The following ALDH7A1 variants were observed in gnomAD, a reference collection of about 807,000 sequenced individuals.
The protein encoded by ALDH7A1 is alpha-aminoadipic semialdehyde dehydrogenase.
Under a neutral mutation model 79.9 loss-of-function variants are expected in ALDH7A1, and 63 were observed. That is an observed-to-expected ratio of 0.79 (90% CI 0.64 to 0.97). The LOEUF (loss-of-function observed/expected upper bound fraction) is 0.97. ALDH7A1 is among the 50% of genes least tolerant of loss of function. The probability of loss-of-function intolerance (pLI) is 0.00; values close to 1 mark genes in which losing one functional copy is unlikely to be tolerated. For missense variants in ALDH7A1, 627 were observed against 665.2 expected, an observed-to-expected ratio of 0.94 and a Z score of 0.63; for synonymous variants, 240 against 231.2, an observed-to-expected ratio of 1.04 and a Z score of -0.34.
In ALDH7A1 at chr5:126,552,105, C is replaced by A. The variant is rs572831296; in HGVS notation, c.1233G>T (p.Pro411=). The A allele has an allele frequency of 1.9e-6, 3 of 1,613,828 alleles. No homozygotes were observed. In the African/African-American group the frequency reaches 4.0e-5, roughly 22 times the overall value. The change falls in exon 14 of 18, where the codon CCG becomes CCT. Residue 411 remains proline, a synonymous_variant. Transcript: ENST00000409134. ...CGTGGCCAAGACCTGTCACAATTGTCGGTTCTACATAATTTCCAGGGCGAT... is the reference window on the plus strand; with the variant it reads ...CGTGGCCAAGACCTGTCACAATTGTAGGTTCTACATAATTTCCAGGGCGAT... ...VMDRPGNYVE[P]TIVTGLGHDA...
At chr5:126,568,202 A>G in intron 9 of ALDH7A1, 57 bp downstream of exon 9, 5 of 1,554,420 alleles carry the variant, frequency 3.2e-6, no homozygotes, top group Non-Finnish European at 4.4e-6. Flanking sequence ...CTCAACTTTT[A>G]GATTTCACCT....
Position 126,554,278 on chromosome 5 carries a change from A to G in ALDH7A1, c.1200+9T>C, listed in dbSNP as rs771021587. 25 of 1,611,392 alleles carry G rather than the reference A, an allele frequency of 1.6e-5. No homozygotes were observed. The highest frequency in any genetic ancestry group is 2.1e-5 in the Non-Finnish European group (25 of 1,177,890). On this transcript the variant is annotated intron_variant, in intron 13 of 17. Transcript: ENST00000409134. ...AAGCTGTCACAATTGATCTCAGAGC[A>G]TCCCTTACCTTGCCCCCATAGACCA...
At chr5:126,572,195 T>G (rs1314216674) in intron 7 of ALDH7A1, among the ~76,000 whole-genome samples, 1 of 152,174 alleles carries the variant, frequency 6.6e-6, no homozygotes, top group Admixed American at 6.5e-5. Context: ...TCAAATCCCA[T>G]GCTCACTTTC....
chr5:126,554,576 C>CAT, intron 12 of ALDH7A1, 183 bp from the exon 13 acceptor site: 1 of 641,104 alleles, frequency 1.6e-6, no homozygotes, highest in Non-Finnish European at 2.8e-6. Flanking sequence ...GGAGGACATA[C>CAT]GTGATCTCCA....
rs963987155 is a variant in ALDH7A1, at chr5:126,543,862, T to C, written c.*1103A>G. ...CTTTGCCCAGCTCTCTATGACCACA[T>C]GCTGCCACACACACTGAGGATTGAG... On this transcript the variant is annotated 3_prime_UTR_variant, in exon 18 of 18. Transcript: ENST00000409134. 1 of 151,992 alleles carries C rather than the reference T, an allele frequency of 6.6e-6. No individual in the cohort carries two copies. Among genetic ancestry groups the C allele is most frequent in the Non-Finnish European group, 1.5e-5 (1 of 68,046 alleles). 9.4% of individuals were successfully genotyped at this position (151,992 alleles called of 1,614,324 possible).
At chr5:126,585,255 G>A (rs146897670) in intron 3 of ALDH7A1, among the ~76,000 whole-genome samples, 116 of 152,236 alleles carry the variant, frequency 7.6e-4, no homozygotes, top group African/African-American at 2.5e-3. Context: ...CTGAGATCCC[G>A]CCATTGCACT....
In ALDH7A1 at chr5:126,570,771, T is replaced by A. The variant is rs1190826423; in HGVS notation, c.773+11A>T. On this transcript the variant is annotated intron_variant, in intron 8 of 17. Transcript: ENST00000409134. The stretch of plus-strand genomic sequence containing the variant: ...CCTTCAACAGAGGATGCTCTCAGCC[T>A]AGTAACCTACCCAATATCTGCTCCA... 3.1e-6 allele frequency: 5 copies of A among 1,613,832 alleles called. No individual in the cohort carries two copies. In the South Asian group the frequency reaches 5.5e-5, roughly 18 times the overall value.
chr5:126,589,298 C>T (rs1482639863), intron 3 of ALDH7A1, among the ~76,000 whole-genome samples: 2 of 152,006 alleles, frequency 1.3e-5, no homozygotes, highest in Non-Finnish European at 2.9e-5. Flanking sequence ...GCTGGGGTTA[C>T]AGGCGCGCAC....
rs768001828 is a variant in ALDH7A1, at chr5:126,575,409, C to T, written c.695+11G>A. The T allele has an allele frequency of 1.9e-6, 3 of 1,612,918 alleles. No homozygotes were observed. The East Asian group carries it at 6.7e-5, about 36-fold the overall frequency. On this transcript the variant is annotated intron_variant, in intron 7 of 17. Transcript: ENST00000409134. ...TCCATACCCAGGAAAAAGAAAGCCACATGTACTTACTTTGTGACAGCCACA... is the reference window on the plus strand; with the variant it reads ...TCCATACCCAGGAAAAAGAAAGCCATATGTACTTACTTTGTGACAGCCACA...
Position 126,595,021 on chromosome 5 carries a change from C to G in ALDH7A1, c.178G>C (p.Gly60Arg). The change falls in exon 1 of 18, where the codon GGA (glycine) becomes CGA (arginine). Residue 60 changes from glycine (G) to arginine (R), a missense_variant. Coordinates refer to ENST00000409134, the MANE Select transcript of ALDH7A1 (RefSeq NM_001182.5). ...ENEGVYNGSW[G>R]GRGEVITTYC... ...CGCCCGCGTACCTCTCCCCGGCCTC[C>G]CCAGCTTCCATTATACACGCCCTCG... 1 of 1,605,536 alleles carries G rather than the reference C, an allele frequency of 6.2e-7. No individual in the cohort carries two copies. Among genetic ancestry groups the G allele is most frequent in the Non-Finnish European group, 8.5e-7 (1 of 1,176,858 alleles).
intron 3 of ALDH7A1, chr5:126,589,166 T>C (rs893921112): frequency 9.9e-5 from 15 of 152,164 alleles, no homozygotes; most frequent in African/African-American, 3.6e-4. Context: ...TTAATTTCTT[T>C]TTTCCTTTGA....
intron 2 of ALDH7A1, among the ~76,000 whole-genome samples, chr5:126,593,108 C>T (rs187634488): frequency 2.6e-5 from 4 of 152,174 alleles, no homozygotes; most frequent in African/African-American, 4.8e-5. Context: ...AATCTTTCTA[C>T]GCTTCACCTT....
intron 8 of ALDH7A1, 50 bp downstream of exon 8, chr5:126,570,732 G>C: frequency 6.5e-7 from 1 of 1,532,222 alleles, no homozygotes; most frequent in Non-Finnish European, 9.0e-7. Context: ...GATTCTAGTT[G>C]GTCAACCTGG....
chr5:126,549,680 T>A (rs1749921739), intron 16 of ALDH7A1: 1 of 455,612 alleles, frequency 2.2e-6, no homozygotes, highest in Middle Eastern at 5.9e-4. Context: ...AATGCCACCA[T>A]TTCAGGGGTT....
In ALDH7A1 at chr5:126,551,613, G is replaced by A. The variant is rs548558098; in HGVS notation, c.1317+408C>T. On this transcript the variant is annotated intron_variant, in intron 14 of 17. Coordinates refer to ENST00000409134, the MANE Select transcript of ALDH7A1 (RefSeq NM_001182.5). ...GCTGGGATTACAGGTGTGAGCCACC[G>A]TGCCTGGCCAACTATAGGTCTTTGT... 6.0e-4 allele frequency among the ~76,000 whole-genome samples: 91 copies of A among 152,206 alleles called. 1 individual carries two copies. The highest frequency in any genetic ancestry group is 6.8e-3 in the Middle Eastern group (2 of 294).
intron 8 of ALDH7A1, chr5:126,569,323 G>C (rs945818634): frequency 6.6e-6 from 1 of 152,246 alleles, no homozygotes; most frequent in Non-Finnish European, 1.5e-5. Context: ...CCTGGTGCCA[G>C]AAAGGTTGGG....
intron 7 of ALDH7A1, chr5:126,571,150 ATTTT>A (rs386404930): frequency 0.012 from 2,603 of 220,334 alleles, no homozygotes; most frequent in South Asian, 0.023. Context: ...CTATTAGCAG[ATTTT>A]TTTTTTTTTT....
chr5:126,571,026 T>C, intron 7 of ALDH7A1, 167 bp from the exon 8 acceptor site: 1 of 669,046 alleles, frequency 1.5e-6, no homozygotes, highest in South Asian at 1.6e-5. Flanking sequence ...AAGTCATTGT[T>C]CCTAAATGGA....
chr5:126,557,675 A>G lies in ALDH7A1; in HGVS notation c.1008+1565T>C, dbSNP rs557047047. Among the ~76,000 whole-genome samples the G allele has an allele frequency of 5.3e-5, 8 of 152,292 alleles. No individual in the cohort carries two copies. In the South Asian group the frequency reaches 1.5e-3, roughly 28 times the overall value. On this transcript the variant is annotated intron_variant, in intron 11 of 17. Coordinates refer to ENST00000409134, the MANE Select transcript of ALDH7A1 (RefSeq NM_001182.5). ...TAGCTTATTCTAATTAATTTAGATT[A>G]TGTCAGTCTTATAAAGAATTTGTTC...
Sources: allele counts gnomAD v4.1 joint callset (sites outside exome capture counted in the v4.1 genomes callset), GRCh38; gene constraint gnomAD v4.1.1; transcripts MANE v1.5; gene names NCBI Gene and HGNC (gene_info 2026-07-23, HGNC 2026-07-21).